The following GNPTAB variants were observed in gnomAD, a reference collection of about 807,000 sequenced individuals.
The protein encoded by GNPTAB is N-acetylglucosamine-1-phosphate transferase subunits alpha and beta, also known as N-acetylglucosamine-1-phosphotransferase subunits alpha/beta.
In GNPTAB, 92 loss-of-function variants were observed where a neutral mutation model predicts 136.6. That is an observed-to-expected ratio of 0.67 (90% CI 0.57 to 0.80). The LOEUF (loss-of-function observed/expected upper bound fraction) is 0.80, where lower values mean the gene tolerates loss of function less well. Among genes scored for constraint, GNPTAB ranks in the 30% least tolerant of loss-of-function variants. The pLI, the probability that GNPTAB is intolerant of heterozygous loss-of-function variation, is 0.00. For synonymous variants in GNPTAB, 512 were observed against 535.1 expected, an observed-to-expected ratio of 0.96 and a Z score of 0.60; for missense variants, 1,343 against 1,501.8, an observed-to-expected ratio of 0.89 and a Z score of 1.75.
rs1008114130 is a variant in GNPTAB at position 101,764,950 on chromosome 12, A to G, written c.1967T>C (p.Ile656Thr). The G allele has an allele frequency of 1.9e-6, 3 of 1,613,932 alleles. No individual in the cohort carries two copies. In the African/African-American group the frequency reaches 4.0e-5, roughly 22 times the overall value. ...GATTTCCGCCTCTGGAAGAAGTGTT[A>G]TGGGACTAACTAAATTTTCGTAACC... is the stretch of plus-strand genomic sequence containing the variant. ...QKGYENLVSP[I>T]TLLPEAEILF... The change falls in exon 13 of 21, where the codon ATA becomes ACA. Residue 656 changes from isoleucine to threonine, a missense_variant. By Grantham distance (89) the Ile-to-Thr change is moderately conservative. Coordinates refer to ENST00000299314, the MANE Select transcript of GNPTAB (RefSeq NM_024312.5).
chr12:101,774,600 A>T (rs189343045), intron 7 of GNPTAB, among the ~76,000 whole-genome samples: 98 of 152,352 alleles, frequency 6.4e-4, no homozygotes, highest in Admixed American at 1.5e-3. Context: ...AAGTCACAAG[A>T]TATAAGAATT....
chr12:101,766,261 C>A lies in GNPTAB; in HGVS notation c.1442G>T (p.Gly481Val). ...NSGGSRYIAG[G>V]GGTGSIGVGQ... ...AACTCCAATACTCCCAGTACCTCCACCTCCTGCAATATAGCGACTCCCTCC... is the reference window on the plus strand; with the variant it reads ...AACTCCAATACTCCCAGTACCTCCAACTCCTGCAATATAGCGACTCCCTCC... The change falls in exon 12 of 21, where the codon GGT (glycine) becomes GTT (valine). Residue 481 changes from glycine to valine, a missense_variant. Gly to Val is a moderately radical substitution (Grantham distance 109, BLOSUM62 -3). Transcript: ENST00000299314. 6.2e-7 allele frequency: 1 copy of A among 1,614,114 alleles called. No individual in the cohort carries two copies.
intron 1 of GNPTAB, among the ~76,000 whole-genome samples, chr12:101,818,992 G>GC (rs1171081241): frequency 6.6e-6 from 1 of 151,794 alleles, no homozygotes; most frequent in Non-Finnish European, 1.5e-5. Context: ...ATGTGGAACT[G>GC]CAAGTACATT....
At chr12:101,777,281 CA>C (rs1252166167) in intron 7 of GNPTAB, among the ~76,000 whole-genome samples, 1 of 152,154 alleles carries the variant, frequency 6.6e-6, no homozygotes, top group Non-Finnish European at 1.5e-5. Context: ...GTTTTCCTAC[CA>C]CACCTTTCCC....
At position 101,765,175 on chromosome 12, in the gene GNPTAB, C is replaced by T; in HGVS notation, c.1742G>A (p.Ser581Asn). The T allele has an allele frequency of 6.2e-7, 1 of 1,614,164 alleles. No individual in the cohort carries two copies. Among genetic ancestry groups the T allele is most frequent in the Non-Finnish European group, 8.5e-7 (1 of 1,180,022 alleles). The change falls in exon 13 of 21, where the codon AGT becomes AAT. Residue 581 changes from serine to asparagine, a missense_variant. Ser to Asn is a conservative substitution (Grantham distance 46). Transcript: ENST00000299314. The part of the protein sequence containing the change: ...VAKRGVEGAY[S>N]DNPIIRHASI... ...AGCATGTCGAATTATTGGATTGTCA[C>T]TATAGGCACCTTCAACTCCTCTTTT...
At chr12:101,828,891 G>T (rs1871238018) in intron 1 of GNPTAB, among the ~76,000 whole-genome samples, 1 of 152,202 alleles carries the variant, frequency 6.6e-6, no homozygotes. Flanking sequence ...TTAAGAGAGT[G>T]CCTGATACCT....
chr12:101,781,595 G>A (rs1333260510), intron 5 of GNPTAB, among the ~76,000 whole-genome samples: 1 of 152,154 alleles, frequency 6.6e-6, no homozygotes, highest in Non-Finnish European at 1.5e-5. Flanking sequence ...TGAGATGGGA[G>A]GATCATCTGA....
intron 18 of GNPTAB, among the ~76,000 whole-genome samples, chr12:101,754,419 A>T (rs1300701740): frequency 6.6e-6 from 1 of 151,936 alleles, no homozygotes; most frequent in Admixed American, 6.6e-5. Context: ...TGATAAAGCG[A>T]GACTCTGTCT....
intron 20 of GNPTAB, among the ~76,000 whole-genome samples, 153 bp from the exon 21 acceptor site, chr12:101,747,394 A>C (rs1392918958): frequency 1.3e-5 from 2 of 152,234 alleles, no homozygotes; most frequent in Non-Finnish European, 2.9e-5. Context: ...TTCCTCTTCC[A>C]AAACAAAAAC....
chr12:101,785,851 T>C, intron 5 of GNPTAB, 161 bp downstream of exon 5: 1 of 630,582 alleles, frequency 1.6e-6, no homozygotes, highest in Non-Finnish European at 2.8e-6. Flanking sequence ...CTTTTTGAGG[T>C]TAAGGCCAAA....
At chr12:101,803,451 A>G (rs2137167088) in intron 1 of GNPTAB, among the ~76,000 whole-genome samples, 1 of 152,358 alleles carries the variant, frequency 6.6e-6, no homozygotes, top group Middle Eastern at 3.4e-3. Context: ...TTAATGCAAT[A>G]AAGCACAACT....
intron 1 of GNPTAB, among the ~76,000 whole-genome samples, chr12:101,811,993 T>C (rs1159150239): frequency 6.7e-6 from 1 of 149,058 alleles, no homozygotes; most frequent in African/African-American, 2.5e-5. Context: ...GGCTCACACC[T>C]GTAATCCCAG....
At position 101,789,936 on chromosome 12, in the gene GNPTAB, A is replaced by T; in HGVS notation, c.323+2T>A. On this transcript the variant is annotated splice_donor_variant, in intron 3 of 20. Transcript: ENST00000299314. LOFTEE classifies it high-confidence loss of function. The stretch of plus-strand genomic sequence containing the variant: ...TGATGTGAAAAAAAAAATCAGTTTT[A>T]CCTCATTGCTTTCTGCTCCTCCTCC... 6.2e-7 allele frequency: 1 copy of T among 1,613,892 alleles called. No homozygotes were observed. Among genetic ancestry groups the T allele is most frequent in the Non-Finnish European group, 8.5e-7 (1 of 1,179,892 alleles).
rs1167938893 is a variant in GNPTAB at position 101,830,542 on chromosome 12, G to A, written c.117+17C>T. The A allele has an allele frequency of 3.3e-6, 5 of 1,512,178 alleles. No individual in the cohort carries two copies. In the African/African-American group the frequency reaches 5.5e-5, roughly 17 times the overall value. 93.7% of individuals were successfully genotyped at this position (1,512,178 alleles called of 1,614,324 possible). A position where few individuals can be genotyped will look rare whatever the true frequency, so the allele number is the denominator to read the frequency against. On this transcript the variant is annotated intron_variant, in intron 1 of 20. Coordinates refer to ENST00000299314, the MANE Select transcript of GNPTAB (RefSeq NM_024312.5). Reference sequence around the variant, plus strand: ...AGGGTCGAGGCGCCCGGTCCAGGCTGCGGCGCCGCTACTCACCTCTCCGAA... The same window carrying A: ...AGGGTCGAGGCGCCCGGTCCAGGCTACGGCGCCGCTACTCACCTCTCCGAA...
At chr12:101,753,677 G>GA in intron 18 of GNPTAB, 138 bp from the exon 19 acceptor site, 2 of 738,736 alleles carry the variant, frequency 2.7e-6, no homozygotes, top group Non-Finnish European at 4.6e-6. Flanking sequence ...TTCTCTGGGG[G>GA]AATGATATTC....
At chr12:101,791,434 A>G (rs1340856732) in intron 2 of GNPTAB, among the ~76,000 whole-genome samples, 1 of 151,212 alleles carries the variant, frequency 6.6e-6, no homozygotes, top group African/African-American at 2.4e-5. Flanking sequence ...CATAAAATAC[A>G]CTAACACTAA....
chr12:101,818,611 A>G (rs2137183266), intron 1 of GNPTAB, among the ~76,000 whole-genome samples: 1 of 152,292 alleles, frequency 6.6e-6, no homozygotes, highest in East Asian at 1.9e-4. Context: ...TCCTGACTTC[A>G]GGTGATCCAC....
At chr12:101,801,993 G>A (rs944260050) in intron 1 of GNPTAB, among the ~76,000 whole-genome samples, 6 of 151,980 alleles carry the variant, frequency 3.9e-5, no homozygotes, top group African/African-American at 1.5e-4. Flanking sequence ...TTCATGGCCA[G>A]CCTGGGCAAC....
intron 1 of GNPTAB, chr12:101,810,422 T>A (rs56310461): frequency 1.1e-5 from 1 of 94,436 alleles, no homozygotes; most frequent in Non-Finnish European, 2.1e-5. Context: ...TATATATATA[T>A]ACACACACAT....
Sources: gnomAD v4.1 joint callset for allele counts (sites outside exome capture counted in the v4.1 genomes callset) on GRCh38, gnomAD v4.1.1 for gene constraint, MANE v1.5 for transcripts, NCBI Gene and HGNC (gene_info 2026-07-23, HGNC 2026-07-21) for gene names.